Variants in WFDC11 observed in about 807,000 individuals in gnomAD.
WFDC11 encodes protein WFDC11.
WFDC11 carries 9 observed loss-of-function variants against 9.9 expected under a neutral mutation model. That is an observed-to-expected ratio of 0.91 (90% confidence interval 0.55 to 1.58). The LOEUF (loss-of-function observed/expected upper bound fraction) is 1.58, where lower values mean the gene tolerates loss of function less well. Among genes scored for constraint, WFDC11 ranks in the 40% most tolerant of loss-of-function variants. The pLI is 0.00. For synonymous variants in WFDC11, 32 were observed against 33.3 expected (o/e 0.96, Z 0.13); for missense variants, 106 against 101.7 (o/e 1.04, Z -0.18).
At chr20:45,656,359 G>C (rs936895074) in intron 2 of WFDC11, among the ~76,000 whole-genome samples, 1 of 152,156 alleles carries the variant, frequency 6.6e-6, no homozygotes. Context: ...TTAATAAATG[G>C]TGCTGGGAAA....
At chr20:45,648,867 A>G in intron 4 of WFDC11, 128 bp from the exon 5 acceptor site, 1 of 1,042,866 alleles carries the variant, frequency 9.6e-7, no homozygotes, top group Non-Finnish European at 1.4e-6. Context: ...TAACAACAGG[A>G]GTTGTCCACT....
At chr20:45,654,621 C>T (rs2145617444) in intron 2 of WFDC11, among the ~76,000 whole-genome samples, 1 of 152,104 alleles carries the variant, frequency 6.6e-6, no homozygotes, top group Non-Finnish European at 1.5e-5. Context: ...AAAAACCCTT[C>T]AAAAAATCAA....
chr20:45,656,740 G>A (rs1003659863), intron 2 of WFDC11, among the ~76,000 whole-genome samples: 1 of 151,812 alleles, frequency 6.6e-6, no homozygotes, highest in African/African-American at 2.4e-5. Flanking sequence ...AAATTTACAA[G>A]AAAAAACCAA....
chr20:45,664,362 T>C (rs1983141876), intron 2 of WFDC11, among the ~76,000 whole-genome samples: 1 of 152,206 alleles, frequency 6.6e-6, no homozygotes, highest in Non-Finnish European at 1.5e-5. Flanking sequence ...TGATGGGTCT[T>C]AACTCTTTAT....
intron 2 of WFDC11, among the ~76,000 whole-genome samples, chr20:45,654,388 A>C (rs972703599): frequency 1.2e-4 from 19 of 152,256 alleles, no homozygotes; most frequent in African/African-American, 4.6e-4. Context: ...ACCAATGAGA[A>C]CAAAGACACA....
rs994889332 is a variant in WFDC11, at chr20:45,667,112, T to C, written c.-76A>G. ...CCTTTGAAGATGTTGGAGTTGGAGG[T>C]GCTGAAACCTATTTGACTGGTGGCT... On this transcript the variant is annotated 5_prime_UTR_variant, in exon 2 of 5. Transcript: ENST00000324384. The C allele has an allele frequency of 6.6e-6, 1 of 152,118 alleles. No individual in the cohort carries two copies. The highest frequency in any genetic ancestry group is 6.6e-5 in the Admixed American group (1 of 15,258). 9.4% of individuals were successfully genotyped at this position (152,118 alleles called of 1,614,324 possible).
At chr20:45,649,128 A>T in intron 4 of WFDC11, 129 bp downstream of exon 4, 1 of 1,122,564 alleles carries the variant, frequency 8.9e-7, no homozygotes, top group Non-Finnish European at 1.3e-6. Flanking sequence ...AGTTAAAGGG[A>T]CATTGTCTTC....
At chr20:45,649,448 G>A in intron 3 of WFDC11, 49 bp from the exon 4 acceptor site, 1 of 1,596,266 alleles carries the variant, frequency 6.3e-7, no homozygotes, top group Non-Finnish European at 8.5e-7. Context: ...TTTCAGCCAA[G>A]AGCGGAAAGA....
rs575529839 is a variant in WFDC11 at position 45,654,419 on chromosome 20, C to A, written c.-51-3768G>T. ...ACACAACATACCAGAATCTCTGGGA[C>A]ACATTCAAAGCAGTGTGTAGAGGGA... is the stretch of plus-strand genomic sequence containing the variant. On this transcript the variant is annotated intron_variant, in intron 2 of 4. Transcript: ENST00000324384. Among the ~76,000 whole-genome samples the A allele has an allele frequency of 6.6e-5, 10 of 152,270 alleles. No homozygotes were observed. In the East Asian group the frequency reaches 1.2e-3, roughly 18 times the overall value.
At chr20:45,660,151 A>C (rs1983024063) in intron 2 of WFDC11, among the ~76,000 whole-genome samples, 1 of 152,100 alleles carries the variant, frequency 6.6e-6, no homozygotes. Context: ...GTAGGCATTT[A>C]GGGGTATGAA....
At chr20:45,668,683 T>A (rs1455776474) in intron 1 of WFDC11, among the ~76,000 whole-genome samples, 1 of 152,108 alleles carries the variant, frequency 6.6e-6, no homozygotes, top group Non-Finnish European at 1.5e-5. Context: ...ACATATATAT[T>A]TTTATATAGT....
At chr20:45,659,716 A>G (rs1450207252) in intron 2 of WFDC11, among the ~76,000 whole-genome samples, 5 of 152,066 alleles carry the variant, frequency 3.3e-5, no homozygotes, top group Non-Finnish European at 7.4e-5. Flanking sequence ...TCTTTAGTTT[A>G]ATTAGATCCC....
chr20:45,656,705 T>C (rs894057682), intron 2 of WFDC11, among the ~76,000 whole-genome samples: 21 of 152,064 alleles, frequency 1.4e-4, no homozygotes, highest in African/African-American at 4.8e-4. Flanking sequence ...AGGGCTAATA[T>C]CCAGAATCTA....
intron 2 of WFDC11, 78 bp from the exon 3 acceptor site, chr20:45,650,729 A>G (rs757806426): frequency 6.0e-5 from 45 of 754,590 alleles, no homozygotes; most frequent in Non-Finnish European, 9.3e-5. Flanking sequence ...TTCATTCTTT[A>G]TCTTCTCACT....
rs1205783644 is a variant in WFDC11, at chr20:45,650,666, A to T, written c.-51-15T>A. 3 of 1,329,466 alleles carry T rather than the reference A, an allele frequency of 2.3e-6. No individual in the cohort carries two copies. Among genetic ancestry groups the T allele is most frequent in the Middle Eastern group, 1.8e-4 (1 of 5,520 alleles). The allele number at this position is 1,329,466 out of a possible 1,614,324, so 82.4% of individuals were successfully genotyped here. A position where few individuals can be genotyped will look rare whatever the true frequency, so the allele number is the denominator to read the frequency against. On this transcript the variant is annotated splice_polypyrimidine_tract_variant and intron_variant, in intron 2 of 4. Transcript: ENST00000324384. ...CCCAGTCGCTGCTAGAGATCAAGAC[A>T]TATAAATAGGGAAAGAGAGGTGTGA...
intron 1 of WFDC11, among the ~76,000 whole-genome samples, chr20:45,669,661 A>G (rs1983257757): frequency 6.6e-6 from 1 of 152,198 alleles, no homozygotes; most frequent in Non-Finnish European, 1.5e-5. Flanking sequence ...AATCTCTGGG[A>G]CACAATTAAA....
chr20:45,662,273 C>T (rs1012102126), intron 2 of WFDC11, among the ~76,000 whole-genome samples: 16 of 152,208 alleles, frequency 1.1e-4, no homozygotes, highest in African/African-American at 2.6e-4. Flanking sequence ...GATTTTGTAT[C>T]CTGAAACTTT....
At chr20:45,663,982 T>G (rs1421995429) in intron 2 of WFDC11, among the ~76,000 whole-genome samples, 1 of 152,200 alleles carries the variant, frequency 6.6e-6, no homozygotes, top group African/African-American at 2.4e-5. Flanking sequence ...ATATCCTTGT[T>G]AACCCTCTGT....
intron 2 of WFDC11, among the ~76,000 whole-genome samples, chr20:45,666,027 G>A (rs894638112): frequency 1.3e-5 from 2 of 152,236 alleles, no homozygotes; most frequent in Non-Finnish European, 2.9e-5. Flanking sequence ...CCTGCCCACA[G>A]TGGTGGTGAC....
Sources: allele counts gnomAD v4.1 joint callset (sites outside exome capture counted in the v4.1 genomes callset), GRCh38; gene constraint gnomAD v4.1.1; transcripts MANE v1.5; gene names NCBI Gene and HGNC (gene_info 2026-07-23, HGNC 2026-07-21).